Variants in MYO3B observed in about 807,000 individuals in gnomAD.
MYO3B encodes the protein myosin IIIB.
MYO3B carries 156 observed loss-of-function variants against 174.6 expected under a neutral mutation model. The observed-to-expected ratio is 0.89, with a 90% confidence interval of 0.78 to 1.02. MYO3B has a LOEUF of 1.02. MYO3B is among the 50% of genes least tolerant of loss of function. The pLI is 0.00. For synonymous variants in MYO3B, 563 were observed against 569.1 expected (o/e 0.99, Z 0.15); for missense variants, 1,632 against 1,639.4 (o/e 1.00, Z 0.08).
At chr2:170,425,418 A>G (rs2094652582) in intron 22 of MYO3B, among the ~76,000 whole-genome samples, 1 of 152,236 alleles carries the variant, frequency 6.6e-6, no homozygotes, top group Non-Finnish European at 1.5e-5. Context: ...AGTAAACTAA[A>G]TTAAATGTTG....
At chr2:170,361,986 A>T (rs1223580122) in intron 8 of MYO3B, among the ~76,000 whole-genome samples, 1 of 152,148 alleles carries the variant, frequency 6.6e-6, no homozygotes, top group Admixed American at 6.5e-5. Context: ...GAGGGTAAAG[A>T]GGTTCCTGGT....
At position 170,632,430 on chromosome 2, in the gene MYO3B, C is replaced by T. The variant is rs566442949; in HGVS notation, c.3734-19198C>T. Among the ~76,000 whole-genome samples, 639 of 152,094 alleles carry T rather than the reference C, an allele frequency of 4.2e-3. 20 individuals carry two copies. The highest frequency in any genetic ancestry group is 0.035 in the Admixed American group (541 of 15,266). On this transcript the variant is annotated intron_variant, in intron 32 of 34. Coordinates refer to ENST00000408978, the MANE Select transcript of MYO3B (RefSeq NM_138995.5). The stretch of plus-strand genomic sequence containing the variant: ...AAATAAAGATGTTCTTTGAAACCAA[C>T]GAGAACAAAGACACAACATACCAGA...
At chr2:170,462,680 T>C (rs894789309) in intron 23 of MYO3B, among the ~76,000 whole-genome samples, 1 of 152,262 alleles carries the variant, frequency 6.6e-6, no homozygotes, top group Non-Finnish European at 1.5e-5. Flanking sequence ...ATGCCACTCA[T>C]GCACTCTGCA....
intron 6 of MYO3B, among the ~76,000 whole-genome samples, chr2:170,233,865 T>C (rs1252229089): frequency 6.6e-6 from 1 of 152,158 alleles, no homozygotes; most frequent in African/African-American, 2.4e-5. Flanking sequence ...TACCACAAAC[T>C]TAGTGGCTTA....
In MYO3B at chr2:170,339,848, A is replaced by G. The variant is rs116258954; in HGVS notation, c.815+4398A>G. Among the ~76,000 whole-genome samples, 1,131 of 152,240 alleles carry G rather than the reference A, an allele frequency of 7.4e-3. 14 individuals carry two copies. The highest frequency in any genetic ancestry group is 0.026 in the African/African-American group (1,071 of 41,524). ...ATAAATTAAATGCAATGCTCACATA[A>G]ATTCTGCACTGCTTTTCATCCATAT... On this transcript the variant is annotated intron_variant, in intron 8 of 34. Transcript: ENST00000408978.
chr2:170,269,800 A>G (rs1231107104), intron 7 of MYO3B, among the ~76,000 whole-genome samples: 1 of 152,234 alleles, frequency 6.6e-6, no homozygotes, highest in Non-Finnish European at 1.5e-5. Context: ...CAAAGATTTC[A>G]AAACCAGAGG....
intron 8 of MYO3B, among the ~76,000 whole-genome samples, chr2:170,351,270 G>A (rs765252082): frequency 1.3e-4 from 20 of 152,148 alleles, no homozygotes; most frequent in Non-Finnish European, 2.4e-4. Flanking sequence ...CTTGAAGCCA[G>A]TAAATGAGGT....
At chr2:170,280,043 T>C (rs1158538525) in intron 7 of MYO3B, among the ~76,000 whole-genome samples, 3 of 152,212 alleles carry the variant, frequency 2.0e-5, no homozygotes, top group Non-Finnish European at 4.4e-5. Flanking sequence ...ATAACCATAC[T>C]GCTTTCCACA....
chr2:170,586,028 A>C (rs900281564), intron 32 of MYO3B, among the ~76,000 whole-genome samples: 1 of 152,194 alleles, frequency 6.6e-6, no homozygotes, highest in Non-Finnish European at 1.5e-5. Context: ...AACAAAACAA[A>C]AAACAAACAA....
chr2:170,502,168 A>G (rs955517219), intron 28 of MYO3B, among the ~76,000 whole-genome samples: 2 of 152,206 alleles, frequency 1.3e-5, no homozygotes, highest in Non-Finnish European at 2.9e-5. Context: ...CCACCATCAC[A>G]CAGTTCATCA....
At chr2:170,289,628 A>AT (rs915292251) in intron 7 of MYO3B, among the ~76,000 whole-genome samples, 13 of 151,420 alleles carry the variant, frequency 8.6e-5, no homozygotes, top group Admixed American at 2.6e-4. Context: ...AGGTTTGTCA[A>AT]TTTTTTTATC....
intron 32 of MYO3B, among the ~76,000 whole-genome samples, chr2:170,560,204 T>A (rs892716794): frequency 1.3e-5 from 2 of 152,184 alleles, no homozygotes; most frequent in African/African-American, 4.8e-5. Flanking sequence ...AAACTACACT[T>A]GTTTTCCCTC....
chr2:170,369,076 A>G (rs753668220), intron 8 of MYO3B, 146 bp from the exon 9 acceptor site: 86 of 556,116 alleles, frequency 1.5e-4, no homozygotes, highest in Non-Finnish European at 2.4e-4. Context: ...TTTCTGGTAC[A>G]TATTAATTAA....
chr2:170,328,487 G>C (rs1466428100), intron 7 of MYO3B, among the ~76,000 whole-genome samples: 4 of 152,000 alleles, frequency 2.6e-5, no homozygotes, highest in Non-Finnish European at 5.9e-5. Flanking sequence ...ATTGCTCACT[G>C]AGCCACCCCC....
chr2:170,179,535 AC>A (rs968598889), intron 1 of MYO3B, among the ~76,000 whole-genome samples: 2 of 152,062 alleles, frequency 1.3e-5, no homozygotes, highest in Non-Finnish European at 2.9e-5. Context: ...ATTGTGGGAG[AC>A]GGCTCCTAGT....
At chr2:170,400,892 G>T (rs913295601) in intron 17 of MYO3B, among the ~76,000 whole-genome samples, 2 of 151,488 alleles carry the variant, frequency 1.3e-5, no homozygotes, top group South Asian at 4.2e-4. Flanking sequence ...GTGCAGTGGC[G>T]CTATCTCGGC....
intron 6 of MYO3B, among the ~76,000 whole-genome samples, chr2:170,222,435 C>T (rs554704690): frequency 6.6e-6 from 1 of 152,270 alleles, no homozygotes; most frequent in South Asian, 2.1e-4. Context: ...AATCTGAAAC[C>T]AAGATGCCAG....
chr2:170,218,395 T>C (rs2092854135), intron 6 of MYO3B, among the ~76,000 whole-genome samples: 1 of 136,092 alleles, frequency 7.3e-6, no homozygotes, highest in African/African-American at 2.7e-5. Context: ...TTTGCAGAAG[T>C]ATAAAACCAA....
At chr2:170,643,588 G>A (rs1698145526) in intron 32 of MYO3B, 1 of 152,180 alleles carries the variant, frequency 6.6e-6, no homozygotes, top group Non-Finnish European at 1.5e-5. Context: ...TTTGCCATCT[G>A]TAAATCTAGA....
Sources: gnomAD v4.1 joint callset for allele counts (sites outside exome capture counted in the v4.1 genomes callset) on GRCh38, gnomAD v4.1.1 for gene constraint, MANE v1.5 for transcripts, NCBI Gene and HGNC (gene_info 2026-07-23, HGNC 2026-07-21) for gene names.